Variants in SLC41A1 observed in about 807,000 individuals in gnomAD.
SLC41A1 encodes solute carrier family 41 member 1, also known as solute carrier family 41 (magnesium transporter), member 1.
A neutral mutation model predicts 47.3 loss-of-function variants in SLC41A1; 20 were observed. The ratio of observed to expected loss-of-function variants is 0.42; its 90% CI spans 0.30 to 0.61. The LOEUF (loss-of-function observed/expected upper bound fraction) is 0.61. SLC41A1 is among the 20% of genes least tolerant of loss of function. The probability of loss-of-function intolerance (pLI) is 0.17; values close to 1 mark genes in which losing one functional copy is unlikely to be tolerated. For missense variants in SLC41A1, 504 were observed against 674.1 expected (o/e 0.75, Z 2.79); for synonymous variants, 282 against 272.7 (o/e 1.03, Z -0.34).
intron 6 of SLC41A1, 89 bp downstream of exon 6, chr1:205,798,580 A>G: frequency 6.3e-7 from 1 of 1,578,644 alleles, no homozygotes; most frequent in African/African-American, 1.3e-5. Flanking sequence ...GTTTAAGAAC[A>G]CAGAAGAAAC....
chr1:205,807,534 T>G (rs959795060), intron 2 of SLC41A1, among the ~76,000 whole-genome samples: 5 of 152,062 alleles, frequency 3.3e-5, no homozygotes, highest in Admixed American at 2.6e-4. Context: ...GGTCCCTCCC[T>G]ACCCCATCTA....
Position 205,796,959 on chromosome 1 carries a change from A to G in SLC41A1, c.1037T>C (p.Phe346Ser), listed in dbSNP as rs1356573214. ...ILDKTVSDPN[F>S]AGMAVFTPVI... is the part of the protein sequence containing the mutation. Reference sequence around the variant, plus strand: ...AGGCGTGAAGACAGCCATCCCAGCAAAGTTGGGGTCTGAGACAGTCTTGTC... The same window carrying G: ...AGGCGTGAAGACAGCCATCCCAGCAGAGTTGGGGTCTGAGACAGTCTTGTC... The change falls in exon 8 of 11, where the codon TTT becomes TCT. Residue 346 changes from phenylalanine to serine, a missense_variant. Coordinates refer to ENST00000367137, the MANE Select transcript of SLC41A1 (RefSeq NM_173854.6). 1.2e-6 allele frequency: 2 copies of G among 1,613,520 alleles called. No individual in the cohort carries two copies.
In SLC41A1 at chr1:205,810,250, G is replaced by A. The variant is rs780024706; in HGVS notation, c.192C>T (p.Asp64=). Residue 64 remains aspartate, a synonymous_variant, in exon 2 of 11, where the codon GAC becomes GAT. Coordinates refer to ENST00000367137, the MANE Select transcript of SLC41A1 (RefSeq NM_173854.6). This position sits in a 1 kb window ranked among gnomAD's most constrained non-coding sequence, Gnocchi z 5.5. ...RANAKGVREE[D]ALLENGSQSN... is the part of the protein sequence containing the mutation. ...TCTGGCTCCCGTTCTCCAGCAGGGCGTCCTCCTCCCGAACCCCCTTGGCGT... is the reference window on the plus strand; with the variant it reads ...TCTGGCTCCCGTTCTCCAGCAGGGCATCCTCCTCCCGAACCCCCTTGGCGT... The A allele has an allele frequency of 5.6e-6, 9 of 1,614,046 alleles. No homozygotes were observed. The East Asian group carries it at 6.7e-5, about 12-fold the overall frequency.
chr1:205,798,809 A>C lies in SLC41A1; in HGVS notation c.704T>G (p.Ile235Ser), dbSNP rs758381035. The change falls in exon 6 of 11, where the codon ATC becomes AGC. Residue 235 changes from isoleucine to serine, a missense_variant. Physicochemically the swap from Ile to Ser is moderately radical, Grantham distance 142. Transcript: ENST00000367137. Reference protein sequence around the residue: ...AFIASLVLGMIMIGVIIGSRK... With the variant: ...AFIASLVLGMSMIGVIIGSRK... Reference sequence around the variant, plus strand: ...AGAGCCAATGATGACTCCAATCATGATCATACCTGGTGAGCAAGTGGGAGG... The same window carrying C: ...AGAGCCAATGATGACTCCAATCATGCTCATACCTGGTGAGCAAGTGGGAGG... 1.9e-6 allele frequency: 3 copies of C among 1,614,160 alleles called. No individual in the cohort carries two copies. In the Admixed American group the frequency reaches 5.0e-5, roughly 27 times the overall value.
chr1:205,794,238 C>T (rs904380575), intron 10 of SLC41A1, among the ~76,000 whole-genome samples: 3 of 152,080 alleles, frequency 2.0e-5, no homozygotes, highest in Non-Finnish European at 4.4e-5. Flanking sequence ...TGATACTGTC[C>T]TAAAGTTATG....
chr1:205,804,053 T>C (rs1655955879), intron 2 of SLC41A1, among the ~76,000 whole-genome samples: 1 of 152,170 alleles, frequency 6.6e-6, no homozygotes. Flanking sequence ...AGATCTGTTG[T>C]ACAATGAGGT....
rs939277931 is a variant in SLC41A1 at position 205,791,486 on chromosome 1, T to C, written c.*47A>G. On this transcript the variant is annotated 3_prime_UTR_variant, in exon 11 of 11. Coordinates refer to ENST00000367137, the MANE Select transcript of SLC41A1 (RefSeq NM_173854.6). The surrounding 1 kb of genome is among the most constrained non-coding windows in gnomAD (Gnocchi z 4.0). ...AGGGACAGGGGAACAAAAGAAAAAT[T>C]TCAAATAGAAAGTGCAGAGGGATGG... The C allele has an allele frequency of 3.4e-5, 55 of 1,612,628 alleles. No individual in the cohort carries two copies. Among genetic ancestry groups the C allele is most frequent in the Non-Finnish European group, 3.5e-5 (41 of 1,179,268 alleles).
rs1656204987 is a variant in SLC41A1, at chr1:205,813,164, T to C, written c.-1003A>G. The C allele has an allele frequency of 1.0e-6, 1 of 985,426 alleles. No homozygotes were observed. Among genetic ancestry groups the C allele is most frequent in the Non-Finnish European group, 1.2e-6 (1 of 829,962 alleles). 61.0% of individuals were successfully genotyped at this position (985,426 alleles called of 1,614,324 possible). On this transcript the variant is annotated 5_prime_UTR_variant, in exon 1 of 11. Coordinates refer to ENST00000367137, the MANE Select transcript of SLC41A1 (RefSeq NM_173854.6). Reference sequence around the variant, plus strand: ...GCCCGCGGACTCGGGCCCAACTGGTTGGCTGCCGGTGGCAAACGTGATCTG... The same window carrying C: ...GCCCGCGGACTCGGGCCCAACTGGTCGGCTGCCGGTGGCAAACGTGATCTG...
chr1:205,793,242 G>C (rs971939281), intron 10 of SLC41A1, among the ~76,000 whole-genome samples: 1 of 152,180 alleles, frequency 6.6e-6, no homozygotes. Flanking sequence ...GGTGGCAAAG[G>C]GATCAATAAG....
chr1:205,791,052 C>G lies in SLC41A1; in HGVS notation c.*481G>C. ...GAGCTTTGAAGTTGGTCCACTTCTA[C>G]AAAAGTATGTCTGTGTTTGGGAGTG... On this transcript the variant is annotated 3_prime_UTR_variant, in exon 11 of 11. Transcript: ENST00000367137. This position sits in a 1 kb window ranked among gnomAD's most constrained non-coding sequence, Gnocchi z 4.0. 1 of 227,972 alleles carries G rather than the reference C, an allele frequency of 4.4e-6. No individual in the cohort carries two copies. The highest frequency in any genetic ancestry group is 5.2e-5 in the Admixed American group (1 of 19,138). The allele number at this position is 227,972 out of a possible 1,614,324, so 14.1% of individuals were successfully genotyped here.
chr1:205,791,696 G>A lies in SLC41A1; in HGVS notation c.1379C>T (p.Ala460Val), dbSNP rs1655631678. ...CCACATCCAGTGCACCATCCAGTCT[G>A]CGATGTACAGGAGAATCAGCACCTG... The part of the protein sequence containing the change: ...LLQVLILLYI[A>V]DWMVHWMWGR... Residue 460 changes from alanine to valine, a missense_variant, in exon 11 of 11, where the codon GCA (alanine) becomes GTA (valine). Physicochemically the swap from Ala to Val is moderately conservative, Grantham distance 64. This residue lies in a region of SLC41A1 where 421 missense variants were observed against 601.6 expected (regional missense o/e 0.70). Coordinates refer to ENST00000367137, the MANE Select transcript of SLC41A1 (RefSeq NM_173854.6). This position sits in a 1 kb window ranked among gnomAD's most constrained non-coding sequence, Gnocchi z 4.0. 2 of 1,613,864 alleles carry A rather than the reference G, an allele frequency of 1.2e-6. No homozygotes were observed. The highest frequency in any genetic ancestry group is 1.7e-6 in the Non-Finnish European group (2 of 1,180,038).
intron 2 of SLC41A1, among the ~76,000 whole-genome samples, chr1:205,805,113 G>C (rs969272587): frequency 4.9e-4 from 75 of 152,272 alleles, no homozygotes; most frequent in African/African-American, 1.7e-3. Flanking sequence ...GGCAAGGAGA[G>C]GGAGCAGTCA....
In SLC41A1 at chr1:205,813,004, T is replaced by G. The variant is rs1171086887; in HGVS notation, c.-843A>C. 1.0e-6 allele frequency: 1 copy of G among 985,462 alleles called. No individual in the cohort carries two copies. Among genetic ancestry groups the G allele is most frequent in the Non-Finnish European group, 1.2e-6 (1 of 830,052 alleles). The allele number at this position is 985,462 out of a possible 1,614,324, so 61.0% of individuals were successfully genotyped here. On this transcript the variant is annotated 5_prime_UTR_variant, in exon 1 of 11. Coordinates refer to ENST00000367137, the MANE Select transcript of SLC41A1 (RefSeq NM_173854.6). ...GGCTCGCTACATTTCGCTTCTGCGTTACAGCGAGGCCGCCGCTCCGCTTCC... is the reference window on the plus strand; with the variant it reads ...GGCTCGCTACATTTCGCTTCTGCGTGACAGCGAGGCCGCCGCTCCGCTTCC...
rs1386240398 is a variant in SLC41A1 at position 205,813,105 on chromosome 1, G to T, written c.-944C>A. 1 of 985,408 alleles carries T rather than the reference G, an allele frequency of 1.0e-6. No individual in the cohort carries two copies. The highest frequency in any genetic ancestry group is 1.2e-6 in the Non-Finnish European group (1 of 830,030). The allele number at this position is 985,408 out of a possible 1,614,324, so 61.0% of individuals were successfully genotyped here. On this transcript the variant is annotated 5_prime_UTR_variant, in exon 1 of 11. Coordinates refer to ENST00000367137, the MANE Select transcript of SLC41A1 (RefSeq NM_173854.6). ...GGGGGGGCACCCGGACGGGGGACCGGGGAGCCGAGCTCACGCGCCCCCAAT... is the reference window on the plus strand; with the variant it reads ...GGGGGGGCACCCGGACGGGGGACCGTGGAGCCGAGCTCACGCGCCCCCAAT...
chr1:205,800,614 T>C (rs1392586454), intron 3 of SLC41A1, among the ~76,000 whole-genome samples: 1 of 151,774 alleles, frequency 6.6e-6, no homozygotes, highest in Admixed American at 6.6e-5. Context: ...GAGGCCCCCA[T>C]CTGTGCGGGT....
At position 205,791,407 on chromosome 1, in the gene SLC41A1, A is replaced by T; in HGVS notation, c.*126T>A. On this transcript the variant is annotated 3_prime_UTR_variant, in exon 11 of 11. Transcript: ENST00000367137. The surrounding 1 kb of genome is among the most constrained non-coding windows in gnomAD (Gnocchi z 4.0). ...ATAAAAATTCCCATTGAAAATAATG[A>T]GAATTTGGTATCAAAGTGAAGTCCT... 1.7e-6 allele frequency: 2 copies of T among 1,165,428 alleles called. No homozygotes were observed. The highest frequency in any genetic ancestry group is 2.5e-6 in the Non-Finnish European group (2 of 797,868). 72.2% of individuals were successfully genotyped at this position (1,165,428 alleles called of 1,614,324 possible).
In SLC41A1 at chr1:205,790,669, G is replaced by A. The variant is rs576342726; in HGVS notation, c.*864C>T. 6.6e-6 allele frequency: 1 copy of A among 152,346 alleles called. No individual in the cohort carries two copies. The highest frequency in any genetic ancestry group is 2.4e-5 in the African/African-American group (1 of 41,546). The allele number at this position is 152,346 out of a possible 1,614,324, so 9.4% of individuals were successfully genotyped here. A position where few individuals can be genotyped will look rare whatever the true frequency, so the allele number is the denominator to read the frequency against. On this transcript the variant is annotated 3_prime_UTR_variant, in exon 11 of 11. Transcript: ENST00000367137. ...TCAAAACCCAACCTGGCAAGCTCTG[G>A]GGAAGGTAGTGCTTAGAGACAATTT...
chr1:205,804,472 A>G (rs1401401800), intron 2 of SLC41A1, among the ~76,000 whole-genome samples: 2 of 152,194 alleles, frequency 1.3e-5, no homozygotes, highest in Non-Finnish European at 2.9e-5. Context: ...AGGATGAGCC[A>G]GCCCTCTCCA....
intron 8 of SLC41A1, 108 bp downstream of exon 8, chr1:205,796,816 C>T (rs754043509): frequency 4.1e-5 from 45 of 1,085,850 alleles, no homozygotes; most frequent in East Asian, 7.7e-5. Flanking sequence ...GCTAGATTCT[C>T]GTCTGCTGGA....
Sources: gnomAD v4.1 joint callset for allele counts (sites outside exome capture counted in the v4.1 genomes callset) on GRCh38, gnomAD v4.1.1 for gene constraint, gnomAD v4.1.1 regional missense constraint, Gnocchi (gnomAD v3.1) non-coding constraint, MANE v1.5 for transcripts, NCBI Gene and HGNC (gene_info 2026-07-23, HGNC 2026-07-21) for gene names.